Variants in ANKRD40 observed in about 807,000 individuals in gnomAD.
The protein encoded by ANKRD40 is ankyrin repeat domain 40.
Under a neutral mutation model 35.5 loss-of-function variants are expected in ANKRD40, and 24 were observed. The observed-to-expected ratio is 0.68, with a 90% CI of 0.49 to 0.95. ANKRD40 has a LOEUF of 0.95. ANKRD40 is among the 40% of genes least tolerant of loss of function. The probability of loss-of-function intolerance (pLI) is 0.00; values close to 1 mark genes in which losing one functional copy is unlikely to be tolerated. For missense variants in ANKRD40, 361 were observed against 436.0 expected, an observed-to-expected ratio of 0.83 and a Z score of 1.53; for synonymous variants, 147 against 173.5, an observed-to-expected ratio of 0.85 and a Z score of 1.20.
At chr17:50,696,787 G>T in intron 4 of ANKRD40, 153 bp downstream of exon 4, 198 of 576,300 alleles carry the variant, frequency 3.4e-4, no homozygotes, top group Non-Finnish European at 4.8e-4. Context: ...TGTCCCTATA[G>T]ACTCAGTAGA....
In ANKRD40 at chr17:50,707,479, A is replaced by C. The variant is rs755119066; in HGVS notation, c.134+42T>G. On this transcript the variant is annotated intron_variant, in intron 1 of 4. Coordinates refer to ENST00000285243, the MANE Select transcript of ANKRD40 (RefSeq NM_052855.4). The surrounding 1 kb of genome is among the most constrained non-coding windows in gnomAD (Gnocchi z 4.8). ...GCGACTGACTGCCCCACGCCTTCCG[A>C]CCGGCTGCCCTGACCCTAGGCCTCC... 97 of 1,583,806 alleles carry C rather than the reference A, an allele frequency of 6.1e-5. No individual in the cohort carries two copies. The highest frequency in any genetic ancestry group is 4.0e-5 in the Non-Finnish European group (47 of 1,165,712).
Position 50,695,994 on chromosome 17 carries a change from G to A in ANKRD40, c.*3C>T, listed in dbSNP as rs1968196473. 6.2e-7 allele frequency: 1 copy of A among 1,614,006 alleles called. No individual in the cohort carries two copies. Among genetic ancestry groups the A allele is most frequent in the Non-Finnish European group, 8.5e-7 (1 of 1,179,946 alleles). On this transcript the variant is annotated 3_prime_UTR_variant, in exon 5 of 5. Transcript: ENST00000285243. ...ATACTCAGTGATAAAAGTCCCTGCT[G>A]CATTAGTAAGTCAGTTTTGAAGCTC...
chr17:50,706,186 A>G (rs967605999), intron 1 of ANKRD40, among the ~76,000 whole-genome samples: 3 of 150,876 alleles, frequency 2.0e-5, no homozygotes, highest in African/African-American at 7.3e-5. Context: ...CAGTGGTGCA[A>G]TCTTGGCTTA....
At chr17:50,705,059 A>T (rs1409217382) in intron 1 of ANKRD40, among the ~76,000 whole-genome samples, 1 of 146,336 alleles carries the variant, frequency 6.8e-6, no homozygotes, top group Middle Eastern at 3.4e-3. Context: ...GCTTGAAGTG[A>T]GCCAAGATGG....
rs1053555146 is a variant in ANKRD40, at chr17:50,698,811, T to G, written c.778+588A>C. Among the ~76,000 whole-genome samples, 10 of 152,108 alleles carry G rather than the reference T, an allele frequency of 6.6e-5. No homozygotes were observed. In the East Asian group the frequency reaches 1.4e-3, roughly 21 times the overall value. ...AGAACAGCATTAGCTCAAGATTACA[T>G]TTCTCAAATTTGGTCATTTGTACTG... On this transcript the variant is annotated intron_variant, in intron 3 of 4. Transcript: ENST00000285243.
At chr17:50,699,156 C>T (rs886919288) in intron 3 of ANKRD40, among the ~76,000 whole-genome samples, 5 of 151,538 alleles carry the variant, frequency 3.3e-5, no homozygotes, top group African/African-American at 1.2e-4. Context: ...GAAGCTACGT[C>T]TCAATAAAAA....
intron 3 of ANKRD40, 43 bp from the exon 4 acceptor site, chr17:50,697,164 G>A: frequency 6.6e-7 from 1 of 1,526,576 alleles, no homozygotes; most frequent in Non-Finnish European, 8.9e-7. Flanking sequence ...TTCTGGCACA[G>A]CACAGCCCAT....
Position 50,694,684 on chromosome 17 carries a change from T to C in ANKRD40, c.*1313A>G, listed in dbSNP as rs1021366004. The C allele has an allele frequency of 6.6e-6, 1 of 152,224 alleles. No homozygotes were observed. Among genetic ancestry groups the C allele is most frequent in the Non-Finnish European group, 1.5e-5 (1 of 68,036 alleles). The allele number at this position is 152,224 out of a possible 1,614,324, so 9.4% of individuals were successfully genotyped here. On this transcript the variant is annotated 3_prime_UTR_variant, in exon 5 of 5. Coordinates refer to ENST00000285243, the MANE Select transcript of ANKRD40 (RefSeq NM_052855.4). ...TGAATGCATTCTTCTAAAAAATTCCTATGCCATACTCAAGAGCTTAATCAG... is the reference window on the plus strand; with the variant it reads ...TGAATGCATTCTTCTAAAAAATTCCCATGCCATACTCAAGAGCTTAATCAG...
intron 1 of ANKRD40, among the ~76,000 whole-genome samples, chr17:50,704,068 G>GA (rs1968300686): frequency 6.6e-6 from 1 of 151,866 alleles, no homozygotes; most frequent in East Asian, 1.9e-4. Flanking sequence ...CAAGCAGGAG[G>GA]CAAGCAGGGT....
intron 3 of ANKRD40, among the ~76,000 whole-genome samples, chr17:50,697,611 T>C (rs1968216348): frequency 6.6e-6 from 1 of 152,194 alleles, no homozygotes; most frequent in Non-Finnish European, 1.5e-5. Flanking sequence ...AAGAGCCAAA[T>C]GACAAGCTAC....
rs1347645606 is a variant in ANKRD40, at chr17:50,707,323, G to A, written c.134+198C>T. The stretch of plus-strand genomic sequence containing the variant: ...CTGCCCCGAGTGGACCACGTGGGCC[G>A]GGATTTGGGCAGGACGCGCTCCCGA... On this transcript the variant is annotated intron_variant, in intron 1 of 4. Coordinates refer to ENST00000285243, the MANE Select transcript of ANKRD40 (RefSeq NM_052855.4). The surrounding 1 kb of genome is among the most constrained non-coding windows in gnomAD (Gnocchi z 4.8). Among the ~76,000 whole-genome samples the A allele has an allele frequency of 2.6e-5, 4 of 152,140 alleles. No homozygotes were observed. Among genetic ancestry groups the A allele is most frequent in the African/African-American group, 9.7e-5 (4 of 41,432 alleles).
chr17:50,701,361 G>A (rs746875065), intron 1 of ANKRD40, among the ~76,000 whole-genome samples: 4 of 152,084 alleles, frequency 2.6e-5, no homozygotes, highest in Non-Finnish European at 5.9e-5. Context: ...TAAATGTAAG[G>A]CACTGCACAC....
Position 50,695,899 on chromosome 17 carries a change from C to A in ANKRD40, c.*98G>T. 6.8e-7 allele frequency: 1 copy of A among 1,463,180 alleles called. No homozygotes were observed. Among genetic ancestry groups the A allele is most frequent in the African/African-American group, 1.4e-5 (1 of 71,054 alleles). 90.6% of individuals were successfully genotyped at this position (1,463,180 alleles called of 1,614,324 possible). ...ATATACTATGCAGTGGCACCAGAGGCCCTCCCGGGCATCTGAGGCATTTAG... is the reference window on the plus strand; with the variant it reads ...ATATACTATGCAGTGGCACCAGAGGACCTCCCGGGCATCTGAGGCATTTAG... On this transcript the variant is annotated 3_prime_UTR_variant, in exon 5 of 5. Coordinates refer to ENST00000285243, the MANE Select transcript of ANKRD40 (RefSeq NM_052855.4).
Position 50,707,591 on chromosome 17 carries a change from C to T in ANKRD40, c.64G>A (p.Asp22Asn), listed in dbSNP as rs1968356045. Residue 22 changes from aspartate (D) to asparagine (N), a missense_variant, in exon 1 of 5, where the codon GAC becomes AAC. Coordinates refer to ENST00000285243, the MANE Select transcript of ANKRD40 (RefSeq NM_052855.4). This position sits in a 1 kb window ranked among gnomAD's most constrained non-coding sequence, Gnocchi z 4.8. ...ACCAGTTTCTGCACCTCCCGAATGT[C>T]CCCTAAGGCCGCGGCCTCCCGCAGC... ...ERLREAAALG[D>N]IREVQKLVES... 6.2e-7 allele frequency: 1 copy of T among 1,605,834 alleles called. No individual in the cohort carries two copies. Among genetic ancestry groups the T allele is most frequent in the Non-Finnish European group, 8.5e-7 (1 of 1,176,234 alleles).
At chr17:50,703,479 G>A (rs1442642964) in intron 1 of ANKRD40, among the ~76,000 whole-genome samples, 2 of 152,170 alleles carry the variant, frequency 1.3e-5, no homozygotes, top group East Asian at 1.9e-4. Flanking sequence ...AAGGGGCATT[G>A]TGCAACTTTA....
chr17:50,703,634 T>G (rs1433603819), intron 1 of ANKRD40, among the ~76,000 whole-genome samples: 2 of 152,088 alleles, frequency 1.3e-5, no homozygotes, highest in Non-Finnish European at 2.9e-5. Flanking sequence ...GAATCAGGAC[T>G]GTCTGGTATT....
intron 2 of ANKRD40, chr17:50,700,287 T>C: frequency 3.4e-6 from 1 of 291,336 alleles, no homozygotes; most frequent in Non-Finnish European, 6.4e-6. Context: ...CTACTAAAAA[T>C]ACAAAATTAG....
intron 3 of ANKRD40, among the ~76,000 whole-genome samples, chr17:50,698,964 A>G (rs1294441170): frequency 3.0e-5 from 4 of 132,168 alleles, no homozygotes; most frequent in Non-Finnish European, 6.3e-5. Flanking sequence ...ACATGGTGAA[A>G]CCCCATCTCT....
At chr17:50,700,374 C>A in intron 2 of ANKRD40, 194 bp downstream of exon 2, 1 of 488,726 alleles carries the variant, frequency 2.0e-6, no homozygotes, top group Non-Finnish European at 3.5e-6. Flanking sequence ...ACCTGGGAGG[C>A]AGAGGTTGTG....
Sources: gnomAD v4.1 joint callset for allele counts (sites outside exome capture counted in the v4.1 genomes callset) on GRCh38, gnomAD v4.1.1 for gene constraint, Gnocchi (gnomAD v3.1) non-coding constraint, MANE v1.5 for transcripts, NCBI Gene and HGNC (gene_info 2026-07-23, HGNC 2026-07-21) for gene names.